LRP1B: variants seen among roughly 807,000 people sequenced by gnomAD.
LRP1B encodes the protein low-density lipoprotein receptor-related protein 1B.
In LRP1B, 217 loss-of-function variants were observed where a neutral mutation model predicts 556.6. That is an observed-to-expected ratio of 0.39 (90% confidence interval 0.35 to 0.44). LRP1B has a LOEUF of 0.44. LRP1B is among the 20% of genes least tolerant of loss of function. The pLI, the probability that LRP1B is intolerant of heterozygous loss-of-function variation, is 1.00. For synonymous variants in LRP1B, 2,047 were observed against 1,865.8 expected, an observed-to-expected ratio of 1.10 and a Z score of -2.50; for missense variants, 5,053 against 5,620.8, an observed-to-expected ratio of 0.90 and a Z score of 3.23.
At chr2:140,789,263 A>T (rs1293730729) in intron 32 of LRP1B, among the ~76,000 whole-genome samples, 1 of 152,092 alleles carries the variant, frequency 6.6e-6, no homozygotes, top group Non-Finnish European at 1.5e-5. Context: ...ATATTACCTT[A>T]ACAATACATT....
At chr2:141,671,593 G>A (rs1174617280) in intron 2 of LRP1B, among the ~76,000 whole-genome samples, 1 of 152,136 alleles carries the variant, frequency 6.6e-6, no homozygotes, top group Non-Finnish European at 1.5e-5. Flanking sequence ...TGGAGAAAGG[G>A]CAATAAGGTA....
intron 2 of LRP1B, among the ~76,000 whole-genome samples, chr2:141,655,683 C>G (rs951545878): frequency 6.6e-6 from 1 of 151,882 alleles, no homozygotes; most frequent in African/African-American, 2.4e-5. Context: ...GAATCATAGG[C>G]TTTTTCTTTT....
intron 1 of LRP1B, among the ~76,000 whole-genome samples, chr2:141,914,432 G>T (rs1699980888): frequency 6.6e-6 from 1 of 152,148 alleles, no homozygotes; most frequent in Non-Finnish European, 1.5e-5. Flanking sequence ...TGAAGTGCCA[G>T]ATATAAAGAC....
chr2:141,675,910 A>G (rs529771429), intron 2 of LRP1B, among the ~76,000 whole-genome samples: 19 of 152,112 alleles, frequency 1.2e-4, no homozygotes, highest in African/African-American at 4.6e-4. Flanking sequence ...TTTTGAACAT[A>G]TAAAGAAACT....
chr2:141,029,058 G>A (rs957331329), intron 11 of LRP1B, among the ~76,000 whole-genome samples: 11 of 152,078 alleles, frequency 7.2e-5, no homozygotes, highest in African/African-American at 2.7e-4. Context: ...AGAGAGGCAT[G>A]GGGGCATCTG....
chr2:140,681,557 A>G (rs140156582), intron 41 of LRP1B, among the ~76,000 whole-genome samples: 1,960 of 152,248 alleles, frequency 0.013, 82 homozygotes, highest in Admixed American at 0.071. Flanking sequence ...AAATGAGACT[A>G]AGCTGACACT....
At chr2:140,805,794 G>T (rs994972790) in intron 32 of LRP1B, among the ~76,000 whole-genome samples, 1 of 152,028 alleles carries the variant, frequency 6.6e-6, no homozygotes, top group African/African-American at 2.4e-5. Flanking sequence ...AACATATAGA[G>T]AAATAGATAA....
intron 2 of LRP1B, among the ~76,000 whole-genome samples, chr2:141,706,010 A>C (rs1692123191): frequency 2.0e-5 from 3 of 152,054 alleles, no homozygotes; most frequent in Admixed American, 1.3e-4. Flanking sequence ...TTCTGTTTAA[A>C]TAGAACACGA....
intron 37 of LRP1B, among the ~76,000 whole-genome samples, chr2:140,709,884 CA>C (rs1686971123): frequency 6.6e-6 from 1 of 151,882 alleles, no homozygotes; most frequent in Admixed American, 6.6e-5. Flanking sequence ...TCTCTAAATT[CA>C]AGTCAATAAA....
At chr2:141,206,358 G>C (rs968372832) in intron 6 of LRP1B, among the ~76,000 whole-genome samples, 10 of 152,066 alleles carry the variant, frequency 6.6e-5, no homozygotes, top group Non-Finnish European at 1.3e-4. Flanking sequence ...GAGGCGGGCA[G>C]ATCATGAGGT....
At chr2:141,498,716 T>C (rs781736619) in intron 2 of LRP1B, among the ~76,000 whole-genome samples, 2 of 152,080 alleles carry the variant, frequency 1.3e-5, no homozygotes, top group Non-Finnish European at 2.9e-5. Flanking sequence ...CTCATATCTT[T>C]TCAGTCATTC....
intron 3 of LRP1B, among the ~76,000 whole-genome samples, chr2:141,441,404 C>T (rs1448193277): frequency 6.6e-6 from 1 of 152,260 alleles, no homozygotes; most frequent in Non-Finnish European, 1.5e-5. Flanking sequence ...ATGGGAATAC[C>T]TGCTTGGCAT....
intron 1 of LRP1B, among the ~76,000 whole-genome samples, chr2:141,983,030 T>C (rs1227686653): frequency 6.6e-6 from 1 of 152,032 alleles, no homozygotes; most frequent in Non-Finnish European, 1.5e-5. Context: ...AAACACTAAA[T>C]AGTGTTCTAG....
intron 2 of LRP1B, among the ~76,000 whole-genome samples, chr2:141,766,305 G>A (rs1481535603): frequency 1.3e-5 from 2 of 152,172 alleles, no homozygotes; most frequent in Non-Finnish European, 2.9e-5. Flanking sequence ...ATACAAAAAC[G>A]TGTCATCTGT....
rs748549697 is a variant in LRP1B at position 140,903,123 on chromosome 2, G to C, written c.3563C>G (p.Ser1188Cys). Residue 1188 changes from serine (S) to cysteine (C), a missense_variant, in exon 23 of 91, where the codon TCT becomes TGT. Physicochemically the swap from Ser to Cys is moderately radical, Grantham distance 112. Coordinates refer to ENST00000389484, the MANE Select transcript of LRP1B (RefSeq NM_018557.3). The part of the protein sequence containing the change: ...LNNGGCSNHC[S>C]VVPGRGIVCS... ...GACAATTCCTCTTCCAGGAACAACAGAACAGTGGTTGCTACAGCCTCCATT... is the reference window on the plus strand; with the variant it reads ...GACAATTCCTCTTCCAGGAACAACACAACAGTGGTTGCTACAGCCTCCATT... The C allele has an allele frequency of 1.5e-5, 25 of 1,613,378 alleles. No homozygotes were observed. Among genetic ancestry groups the C allele is most frequent in the Non-Finnish European group, 2.0e-5 (24 of 1,179,670 alleles).
At chr2:140,709,419 C>T (rs975754861) in intron 37 of LRP1B, among the ~76,000 whole-genome samples, 36 of 140,850 alleles carry the variant, frequency 2.6e-4, no homozygotes, top group Non-Finnish European at 4.0e-4. Flanking sequence ...CAGGAGGAGG[C>T]GGAAGAGGAG....
chr2:141,463,903 A>AT (rs935440680), intron 3 of LRP1B, among the ~76,000 whole-genome samples: 4 of 148,766 alleles, frequency 2.7e-5, no homozygotes, highest in African/African-American at 9.9e-5. Flanking sequence ...TATATCTCAA[A>AT]TTTTTTCTGA....
chr2:141,133,767 G>C (rs1375458816), intron 7 of LRP1B, among the ~76,000 whole-genome samples: 1 of 151,880 alleles, frequency 6.6e-6, no homozygotes, highest in African/African-American at 2.4e-5. Flanking sequence ...TGTTGCATTA[G>C]TGGTTAAAGA....
chr2:140,988,019 T>A (rs1037504365), intron 17 of LRP1B, among the ~76,000 whole-genome samples: 1 of 152,040 alleles, frequency 6.6e-6, no homozygotes, highest in African/African-American at 2.4e-5. Flanking sequence ...TAGAAAGATG[T>A]CTCATTATGA....
Sources: allele counts gnomAD v4.1 joint callset (sites outside exome capture counted in the v4.1 genomes callset), GRCh38; gene constraint gnomAD v4.1.1; transcripts MANE v1.5; gene names NCBI Gene and HGNC (gene_info 2026-07-23, HGNC 2026-07-21).